The following TET3 variants were observed in gnomAD, a reference collection of about 807,000 sequenced individuals.
TET3 encodes methylcytosine dioxygenase TET3.
TET3 carries 19 observed loss-of-function variants against 141.4 expected under a neutral mutation model. That is an observed-to-expected ratio of 0.13 (90% CI 0.09 to 0.20). The LOEUF (loss-of-function observed/expected upper bound fraction) is 0.20, where lower values mean the gene tolerates loss of function less well. TET3 is among the 10% of genes least tolerant of loss of function. TET3 has a pLI of 1.00. For missense variants in TET3, 1,874 were observed against 2,356.9 expected, an observed-to-expected ratio of 0.80 and a Z score of 4.24; for synonymous variants, 1,043 against 980.9, an observed-to-expected ratio of 1.06 and a Z score of -1.18.
chr2:74,029,785 A>T (rs893438362), intron 3 of TET3, among the ~76,000 whole-genome samples: 3 of 152,170 alleles, frequency 2.0e-5, no homozygotes, highest in Admixed American at 6.5e-5. Context: ...TGGATCATCC[A>T]CCAGGGTTTT....
intron 4 of TET3, among the ~76,000 whole-genome samples, chr2:74,057,117 G>T (rs1688261044): frequency 1.3e-5 from 2 of 152,156 alleles, no homozygotes; most frequent in African/African-American, 4.8e-5. Flanking sequence ...GTAGCTGAGG[G>T]CCAACAGTAC....
At position 74,093,789 on chromosome 2, in the gene TET3, T is replaced by A; in HGVS notation, c.3267+123T>A. 1 of 1,291,576 alleles carries A rather than the reference T, an allele frequency of 7.7e-7. No homozygotes were observed. Among genetic ancestry groups the A allele is most frequent in the South Asian group, 1.9e-5 (1 of 52,644 alleles). 80.0% of individuals were successfully genotyped at this position (1,291,576 alleles called of 1,614,324 possible). On this transcript the variant is annotated intron_variant, in intron 10 of 11. Transcript: ENST00000409262. The surrounding 1 kb of genome is among the most constrained non-coding windows in gnomAD (Gnocchi z 4.2). ...CCTGGAGACAGGATCCTCAGAACTC[T>A]GGAAGGTTCCCTGCAAGACGGCCTG... is the stretch of plus-strand genomic sequence containing the variant.
chr2:74,112,543 A>C (rs1439560967), downstream of TET3, among the ~76,000 whole-genome samples: 1 of 152,224 alleles, frequency 6.6e-6, no homozygotes, highest in African/African-American at 2.4e-5. Context: ...AAAGCCAAAT[A>C]AAAAGTTTTA....
At chr2:74,026,204 TG>T (rs1343375389) in intron 3 of TET3, among the ~76,000 whole-genome samples, 5 of 147,094 alleles carry the variant, frequency 3.4e-5, no homozygotes, top group African/African-American at 9.9e-5. Flanking sequence ...AGGCCATCGC[TG>T]GGGGGAGAGA....
chr2:74,002,783 C>A (rs1298002423), intron 2 of TET3: 3 of 565,038 alleles, frequency 5.3e-6, no homozygotes, highest in Non-Finnish European at 9.4e-6. Context: ...GGCCGATGCA[C>A]CAGAGGAGGC....
In TET3 at chr2:74,102,330, G is replaced by C; in HGVS notation, c.*154G>C. On this transcript the variant is annotated 3_prime_UTR_variant, in exon 12 of 12. Transcript: ENST00000409262. ...CGCATATCATATATATGTATTTATG[G>C]TCCAAACCTCAGAACTGACCCGCCC... The C allele has an allele frequency of 8.4e-7, 1 of 1,188,766 alleles. No homozygotes were observed. The highest frequency in any genetic ancestry group is 1.6e-5 in the African/African-American group (1 of 63,554). 73.6% of individuals were successfully genotyped at this position (1,188,766 alleles called of 1,614,324 possible).
In TET3 at chr2:74,048,095, C is replaced by T; in HGVS notation, c.2178C>T (p.Gly726=). The T allele has an allele frequency of 6.2e-7, 1 of 1,613,368 alleles. No individual in the cohort carries two copies. Among genetic ancestry groups the T allele is most frequent in the Non-Finnish European group, 8.5e-7 (1 of 1,179,636 alleles). The change falls in exon 4 of 12, where the codon GGC becomes GGT. Residue 726 remains glycine (G), a synonymous_variant. Coordinates refer to ENST00000409262, the MANE Select transcript of TET3 (RefSeq NM_001287491.2). ...TTGGAGATAGCTTTGGGCTTCCCGG[C>T]CCCCCTTCTGTGCCCATTCAGGACC... The part of the protein sequence containing the change: ...AEFGDSFGLP[G]PPSVPIQDPE...
At chr2:74,122,644 G>A in the TET3 span, among the ~76,000 whole-genome samples, 1 of 139,786 alleles carries the variant, frequency 7.2e-6, no homozygotes, top group African/African-American at 2.7e-5. Flanking sequence ...CTCCCAAGTA[G>A]CTGGGACTAA....
At chr2:74,057,938 T>G (rs898634332) in intron 4 of TET3, among the ~76,000 whole-genome samples, 1 of 152,186 alleles carries the variant, frequency 6.6e-6, no homozygotes, top group Admixed American at 6.5e-5. Flanking sequence ...AAACAAATAC[T>G]TAAGCTAAAA....
intron 6 of TET3, among the ~76,000 whole-genome samples, chr2:74,084,576 CCAA>C (rs1376764784): frequency 6.6e-6 from 1 of 152,104 alleles, no homozygotes; most frequent in Non-Finnish European, 1.5e-5. Context: ...CCTCAGCCTC[CCAA>C]GTAGCTGAGA....
At chr2:74,124,206 G>C in the TET3 span, among the ~76,000 whole-genome samples, 2 of 150,760 alleles carry the variant, frequency 1.3e-5, no homozygotes, top group African/African-American at 4.9e-5. Context: ...ACCCCATCCG[G>C]GAGGGAGGTG....
At chr2:74,113,006 C>CA (rs60299737), downstream of TET3, among the ~76,000 whole-genome samples, 6,495 of 34,200 alleles carry the variant, frequency 0.19, 1,654 homozygotes, top group Non-Finnish European at 0.3. Context: ...GACTCCGTCT[C>CA]AAAAAAAAAA....
intron 3 of TET3, among the ~76,000 whole-genome samples, chr2:74,040,706 G>A (rs1015669359): frequency 2.6e-5 from 4 of 152,100 alleles, no homozygotes; most frequent in African/African-American, 9.7e-5. Flanking sequence ...GAGCTCAGTG[G>A]TTTGACACCA....
At chr2:74,092,748 C>CTT (rs1246971764) in intron 8 of TET3, among the ~76,000 whole-genome samples, 154 bp from the exon 9 acceptor site, 2 of 152,152 alleles carry the variant, frequency 1.3e-5, no homozygotes, top group African/African-American at 4.8e-5. Flanking sequence ...GGACACAGCA[C>CTT]CACAGCCCTC....
intron 3 of TET3, among the ~76,000 whole-genome samples, chr2:74,016,834 A>G (rs1381871000): frequency 7.4e-6 from 1 of 135,922 alleles, no homozygotes; most frequent in Non-Finnish European, 1.6e-5. Flanking sequence ...ACACATAATT[A>G]TAAATATTTG....
intron 3 of TET3, among the ~76,000 whole-genome samples, chr2:74,012,425 T>A (rs982265562): frequency 9.2e-5 from 14 of 152,052 alleles, no homozygotes; most frequent in African/African-American, 3.4e-4. Context: ...GCATTTACCA[T>A]GTGTGGGGCA....
chr2:74,091,623 G>A (rs186330499), intron 8 of TET3, among the ~76,000 whole-genome samples: 1 of 152,388 alleles, frequency 6.6e-6, no homozygotes, highest in African/African-American at 2.4e-5. Flanking sequence ...GCCTGGTCAA[G>A]AGTGGCTGGC....
Position 74,008,343 on chromosome 2 carries a change from G to A in TET3, c.360+5177G>A, listed in dbSNP as rs143532306. 4.1e-4 allele frequency among the ~76,000 whole-genome samples: 62 copies of A among 152,310 alleles called. 1 individual carries two copies. Among genetic ancestry groups the A allele is most frequent in the African/African-American group, 1.4e-3 (57 of 41,562 alleles). On this transcript the variant is annotated intron_variant, in intron 3 of 11. Transcript: ENST00000409262. Reference sequence around the variant, plus strand: ...AAGTCTGGGAGTCTGATGGAGGCCCGTCAGAGCCCTTGGAGCCCCTGTACT... The same window carrying A: ...AAGTCTGGGAGTCTGATGGAGGCCCATCAGAGCCCTTGGAGCCCCTGTACT...
At chr2:74,086,791 T>TAAAAAA (rs33942081) in intron 6 of TET3, among the ~76,000 whole-genome samples, 1 of 94,052 alleles carries the variant, frequency 1.1e-5, no homozygotes, top group African/African-American at 4.2e-5. Flanking sequence ...ACCCTGACTC[T>TAAAAAA]AAAAAAAAAA....
Sources: allele counts gnomAD v4.1 joint callset (sites outside exome capture counted in the v4.1 genomes callset), GRCh38; gene constraint gnomAD v4.1.1; non-coding constraint Gnocchi (gnomAD v3.1); transcripts MANE v1.5; gene names NCBI Gene and HGNC (gene_info 2026-07-23, HGNC 2026-07-21).